ATXN7L1: variants seen among roughly 807,000 people sequenced by gnomAD.
ATXN7L1 encodes ataxin 7 like 1, also known as ataxin-7-like protein 1.
ATXN7L1 carries 15 observed loss-of-function variants against 70.8 expected under a neutral mutation model. The observed-to-expected ratio is 0.21, with a 90% CI of 0.14 to 0.33. The LOEUF (loss-of-function observed/expected upper bound fraction) is 0.33, where lower values mean the gene tolerates loss of function less well. Ranked by LOEUF, ATXN7L1 falls within the 10% of genes least tolerant of loss-of-function variation. The pLI, the probability that ATXN7L1 is intolerant of heterozygous loss-of-function variation, is 1.00. For missense variants in ATXN7L1, 975 were observed against 1,097.1 expected (o/e 0.89, Z 1.57); for synonymous variants, 440 against 445.1 (o/e 0.99, Z 0.14).
Position 105,614,810 on chromosome 7 carries a change from G to A in ATXN7L1, c.1524C>T (p.Ile508=). Residue 508 remains isoleucine, a synonymous_variant, in exon 10 of 12, where the codon ATC becomes ATT. Coordinates refer to ENST00000419735, the MANE Select transcript of ATXN7L1 (RefSeq NM_020725.2). This position sits in a 1 kb window ranked among gnomAD's most constrained non-coding sequence, Gnocchi z 4.3. ...GCAGGGGGCTATCTGCCGCAGGAGG[G>A]ATCTTCCTAAACATGAGAGAAGAGT... ...KHLNSQMWKK[I]PPAADSPLPS... is the part of the protein sequence containing the mutation. The A allele has an allele frequency of 6.5e-7, 1 of 1,549,426 alleles. No homozygotes were observed. Among genetic ancestry groups the A allele is most frequent in the Non-Finnish European group, 8.7e-7 (1 of 1,145,636 alleles).
intron 3 of ATXN7L1, among the ~76,000 whole-genome samples, chr7:105,700,508 C>CAAAAAAAA (rs1186998293): frequency 2.0e-5 from 1 of 49,806 alleles, no homozygotes; most frequent in Non-Finnish European, 3.5e-5. Flanking sequence ...GACTCTGTCT[C>CAAAAAAAA]AAAAAAAAAA....
chr7:105,726,641 G>A (rs1795849239), intron 3 of ATXN7L1, among the ~76,000 whole-genome samples: 2 of 152,184 alleles, frequency 1.3e-5, no homozygotes, highest in South Asian at 4.1e-4. Context: ...TGTCCAGTAT[G>A]GCAAAGGGCA....
chr7:105,835,222 A>G (rs889542166), intron 2 of ATXN7L1, among the ~76,000 whole-genome samples: 1 of 133,496 alleles, frequency 7.5e-6, no homozygotes, highest in Non-Finnish European at 1.5e-5. Flanking sequence ...TGGTGCAATC[A>G]TGGCTCACTG....
intron 2 of ATXN7L1, among the ~76,000 whole-genome samples, chr7:105,855,262 G>A (rs1176096372): frequency 6.6e-6 from 1 of 152,120 alleles, no homozygotes; most frequent in Non-Finnish European, 1.5e-5. Context: ...AAAAATTTTA[G>A]GCTTTGTCTC....
chr7:105,730,714 AGAGT>A (rs1467996640), intron 3 of ATXN7L1, among the ~76,000 whole-genome samples: 1 of 152,026 alleles, frequency 6.6e-6, no homozygotes, highest in Non-Finnish European at 1.5e-5. Context: ...CCTGGGCAAC[AGAGT>A]GAGACTCCAT....
At position 105,862,107 on chromosome 7, in the gene ATXN7L1, A is replaced by G. The variant is rs535013270; in HGVS notation, c.250+13705T>C. 1.1e-4 allele frequency among the ~76,000 whole-genome samples: 17 copies of G among 152,298 alleles called. No homozygotes were observed. In the East Asian group the frequency reaches 2.5e-3, roughly 23 times the overall value. ...GACTTGGCTAACAGGGCTGTTGTAC[A>G]TGGGTTGGCCAAATGGATTCAACCT... On this transcript the variant is annotated intron_variant, in intron 2 of 11. Transcript: ENST00000419735.
chr7:105,758,743 G>A (rs181720056), intron 3 of ATXN7L1, among the ~76,000 whole-genome samples: 29 of 152,360 alleles, frequency 1.9e-4, no homozygotes, highest in Admixed American at 1.6e-3. Context: ...AGAATGTGCT[G>A]GTTCTTCTCA....
At chr7:105,649,497 C>T (rs946748103) in intron 4 of ATXN7L1, 2 of 987,690 alleles carry the variant, frequency 2.0e-6, no homozygotes, top group Non-Finnish European at 2.4e-6. Context: ...AAGGCGGGTC[C>T]TCTGGCTTTA....
chr7:105,787,147 C>A (rs1804425731), intron 3 of ATXN7L1, among the ~76,000 whole-genome samples: 1 of 152,168 alleles, frequency 6.6e-6, no homozygotes, highest in South Asian at 2.1e-4. Flanking sequence ...GAGCACTAGG[C>A]AAGAAGGTCA....
chr7:105,701,231 G>T (rs1482233505), intron 3 of ATXN7L1, among the ~76,000 whole-genome samples: 1 of 152,102 alleles, frequency 6.6e-6, no homozygotes, highest in African/African-American at 2.4e-5. Flanking sequence ...CCATTCAATG[G>T]AATGCTGGAG....
chr7:105,665,822 T>C (rs111687324), intron 3 of ATXN7L1, among the ~76,000 whole-genome samples: 104 of 152,298 alleles, frequency 6.8e-4, no homozygotes, highest in African/African-American at 2.5e-3. Context: ...GTCCTGGGAC[T>C]GAGAGGACAG....
chr7:105,670,818 C>T (rs546754047), intron 3 of ATXN7L1, among the ~76,000 whole-genome samples: 18 of 151,992 alleles, frequency 1.2e-4, no homozygotes, highest in African/African-American at 2.9e-4. Flanking sequence ...AAAAATTAGC[C>T]GGGTGTAGCC....
chr7:105,751,809 T>C (rs1339619933), intron 3 of ATXN7L1, among the ~76,000 whole-genome samples: 2 of 152,200 alleles, frequency 1.3e-5, no homozygotes, highest in Non-Finnish European at 2.9e-5. Flanking sequence ...CCCTCAGGTG[T>C]CCCCCTGGGG....
At chr7:105,660,088 GT>G (rs1438027617) in intron 4 of ATXN7L1, among the ~76,000 whole-genome samples, 8 of 151,912 alleles carry the variant, frequency 5.3e-5, no homozygotes, top group Non-Finnish European at 8.8e-5. Context: ...GTCCTGCGGA[GT>G]TTTCCCTCCT....
intron 7 of ATXN7L1, among the ~76,000 whole-genome samples, chr7:105,635,775 G>A (rs1797259956): frequency 6.6e-6 from 1 of 151,182 alleles, no homozygotes; most frequent in African/African-American, 2.4e-5. Flanking sequence ...ATTCACACAC[G>A]TTAGCATTTC....
Position 105,876,532 on chromosome 7 carries a change from C to T in ATXN7L1, c.27G>A (p.Pro9=). The T allele has an allele frequency of 7.2e-7, 1 of 1,389,116 alleles. No homozygotes were observed. The highest frequency in any genetic ancestry group is 1.5e-5 in the African/African-American group (1 of 66,630). The allele number at this position is 1,389,116 out of a possible 1,614,324, so 86.0% of individuals were successfully genotyped here. A position where few individuals can be genotyped will look rare whatever the true frequency, so the allele number is the denominator to read the frequency against. ...CTTCGGCAGCAGCAGCCGAGAGACA[C>T]GGGATTCGAGAACGCTCCGACGTCA... MTSERSRI[P]CLSAAAAEGT... The change falls in exon 1 of 12, where the codon CCG becomes CCA. Residue 9 remains proline (P), a synonymous_variant. Transcript: ENST00000419735.
At chr7:105,861,901 C>T (rs930967598) in intron 2 of ATXN7L1, among the ~76,000 whole-genome samples, 9 of 152,216 alleles carry the variant, frequency 5.9e-5, no homozygotes, top group African/African-American at 2.2e-4. Context: ...TCTGTTTAAA[C>T]CTGGCTTGTG....
Position 105,788,353 on chromosome 7 carries a change from T to C in ATXN7L1, c.355+251A>G, listed in dbSNP as rs573127117. On this transcript the variant is annotated intron_variant, in intron 3 of 11. Transcript: ENST00000419735. ...CCATCGCTAGGCTGGGCAGATGGCT[T>C]CAGTCTAGTCCCATCGACCGAGACA... The C allele has an allele frequency of 9.2e-6, 4 of 432,906 alleles. No homozygotes were observed. The Admixed American group carries it at 1.0e-4, about 11-fold the overall frequency. The allele number at this position is 432,906 out of a possible 1,614,324, so 26.8% of individuals were successfully genotyped here. A position where few individuals can be genotyped will look rare whatever the true frequency, so the allele number is the denominator to read the frequency against.
intron 3 of ATXN7L1, among the ~76,000 whole-genome samples, chr7:105,675,276 A>G (rs1804460428): frequency 6.6e-6 from 1 of 152,208 alleles, no homozygotes. Flanking sequence ...TCACATTCAC[A>G]AGGAAATTCA....
Sources: gnomAD v4.1 joint callset for allele counts (sites outside exome capture counted in the v4.1 genomes callset) on GRCh38, gnomAD v4.1.1 for gene constraint, Gnocchi (gnomAD v3.1) non-coding constraint, MANE v1.5 for transcripts, NCBI Gene and HGNC (gene_info 2026-07-23, HGNC 2026-07-21) for gene names.